BTBD2: variants seen among roughly 807,000 people sequenced by gnomAD.
BTBD2 encodes BTB domain containing 2, also known as BTB/POZ domain-containing protein 2.
A neutral mutation model predicts 44.0 loss-of-function variants in BTBD2; 15 were observed. That is an observed-to-expected ratio of 0.34 (90% CI 0.23 to 0.53). The LOEUF is 0.53. BTBD2 is among the 20% of genes least tolerant of loss of function. The pLI is 0.95. For missense variants in BTBD2, 657 were observed against 746.4 expected (o/e 0.88, Z 1.39); for synonymous variants, 443 against 335.9 (o/e 1.32, Z -3.49).
intron 2 of BTBD2, among the ~76,000 whole-genome samples, chr19:1,995,708 T>C (rs1290407216): frequency 2.8e-5 from 4 of 145,108 alleles, no homozygotes; most frequent in African/African-American, 1.0e-4. Flanking sequence ...ATGATCTCAG[T>C]CCACTCCAAC....
intron 1 of BTBD2, among the ~76,000 whole-genome samples, chr19:2,013,337 C>T (rs959578399): frequency 2.0e-5 from 3 of 152,086 alleles, no homozygotes; most frequent in Non-Finnish European, 4.4e-5. Flanking sequence ...GCCGGTACCC[C>T]GCACACTGGC....
intron 1 of BTBD2, among the ~76,000 whole-genome samples, chr19:2,009,014 A>G (rs1341128586): frequency 7.4e-6 from 1 of 136,000 alleles, no homozygotes; most frequent in Non-Finnish European, 1.5e-5. Flanking sequence ...CCCAGAACAC[A>G]CTGTTCTTTT....
chr19:2,004,762 T>C (rs1271610900), intron 1 of BTBD2, among the ~76,000 whole-genome samples: 2 of 151,260 alleles, frequency 1.3e-5, no homozygotes, highest in Non-Finnish European at 2.9e-5. Context: ...GAGGATCACT[T>C]GAGCCCAGGA....
intron 1 of BTBD2, among the ~76,000 whole-genome samples, chr19:1,998,214 A>C (rs977031386): frequency 1.3e-5 from 2 of 152,198 alleles, no homozygotes; most frequent in Non-Finnish European, 2.9e-5. Context: ...CCTCATCAGC[A>C]CAAGCTTTCC....
At position 1,990,060 on chromosome 19, in the gene BTBD2, C is replaced by G. The variant is rs775506599; in HGVS notation, c.932G>C (p.Gly311Ala). ...VTPENRRKVL[G>A]KALGLIRFPL... is the part of the protein sequence containing the mutation. ...GAAGCGAATGAGGCCCAGGGCCTTGCCCAGAACCTTCCGCCTGTTCTCTGG... is the reference window on the plus strand; with the variant it reads ...GAAGCGAATGAGGCCCAGGGCCTTGGCCAGAACCTTCCGCCTGTTCTCTGG... The change falls in exon 5 of 9, where the codon GGC becomes GCC. Residue 311 changes from glycine to alanine, a missense_variant. Transcript: ENST00000255608. 1 of 1,613,224 alleles carries G rather than the reference C, an allele frequency of 6.2e-7. No individual in the cohort carries two copies. Among genetic ancestry groups the G allele is most frequent in the African/African-American group, 1.3e-5 (1 of 74,940 alleles).
chr19:1,989,821 G>A lies in BTBD2; in HGVS notation c.988+183C>T, dbSNP rs1419453110. ...CAGTGTGCACGGTGGGGACAGAGCC[G>A]GGCCGGGGCTAACAGATGGCCCTGT... On this transcript the variant is annotated intron_variant, in intron 5 of 8. Transcript: ENST00000255608. 9.3e-5 allele frequency: 62 copies of A among 668,588 alleles called. 1 individual carries two copies. The Middle Eastern group carries it at 1.2e-3, about 13-fold the overall frequency. 41.4% of individuals were successfully genotyped at this position (668,588 alleles called of 1,614,324 possible).
intron 1 of BTBD2, among the ~76,000 whole-genome samples, chr19:2,013,070 T>C (rs10402578): frequency 0.61 from 92,652 of 152,120 alleles, 29,566 homozygotes; most frequent in African/African-American, 0.79. Context: ...GCACAAGCCG[T>C]AGGAGGCCCC....
intron 7 of BTBD2, 83 bp downstream of exon 7, chr19:1,987,083 C>G: frequency 5.0e-6 from 8 of 1,594,266 alleles, no homozygotes; most frequent in Non-Finnish European, 6.9e-6. Flanking sequence ...GGACCAGGGC[C>G]GGGGGTTCAG....
chr19:2,013,566 C>T (rs1177326436), intron 1 of BTBD2: 2 of 987,434 alleles, frequency 2.0e-6, no homozygotes, highest in Non-Finnish European at 2.4e-6. Context: ...AGTCCAGGGT[C>T]CAGAGCCTGG....
intron 2 of BTBD2, among the ~76,000 whole-genome samples, chr19:1,995,468 G>A (rs1397008514): frequency 1.5e-5 from 2 of 134,942 alleles, no homozygotes; most frequent in African/African-American, 5.6e-5. Flanking sequence ...ATTTTTAGTA[G>A]AGACGGGGTT....
At chr19:2,007,311 C>T (rs564684161) in intron 1 of BTBD2, among the ~76,000 whole-genome samples, 23 of 152,326 alleles carry the variant, frequency 1.5e-4, no homozygotes, top group African/African-American at 5.5e-4. Context: ...TATTAGAACA[C>T]AGCTCTTCTT....
rs1320718217 is a variant in BTBD2, at chr19:2,002,351, GATTACAGGCAAACTGATAACTGT to G, written c.408-4911_408-4889del. Among the ~76,000 whole-genome samples the G allele has an allele frequency of 1.4e-3, 215 of 152,350 alleles. 1 individual carries two copies. The highest frequency in any genetic ancestry group is 4.7e-4 in the Non-Finnish European group (32 of 68,042). ...CCAGTTCAGCTGCCCAAAGCGCTGT[GATTACAGGCAAACTGATAACTGT>G]ATTTCTCGAAGTTCTGTAAGCTGTT... is the stretch of plus-strand genomic sequence containing the variant. On this transcript the variant is annotated intron_variant, in intron 1 of 8. Coordinates refer to ENST00000255608, the MANE Select transcript of BTBD2 (RefSeq NM_017797.4).
rs113126344 is a variant in BTBD2, at chr19:2,006,088, TAA to T, written c.408-8627_408-8626del. Among the ~76,000 whole-genome samples, 1,332 of 134,514 alleles carry T rather than the reference TAA, an allele frequency of 9.9e-3. 15 individuals carry two copies. Among genetic ancestry groups the T allele is most frequent in the African/African-American group, 0.033 (1,226 of 36,968 alleles). 88.2% of individuals were successfully genotyped at this position (134,514 alleles called of 152,430 possible). On this transcript the variant is annotated intron_variant, in intron 1 of 8. Coordinates refer to ENST00000255608, the MANE Select transcript of BTBD2 (RefSeq NM_017797.4). ...GGGTGACAGAGTGAGACCCTGTCTCTAAAAAAAAAAAAAAAAATTTAATTTTT... is the reference window on the plus strand; with the variant it reads ...GGGTGACAGAGTGAGACCCTGTCTCTAAAAAAAAAAAAAAATTTAATTTTT...
At chr19:1,991,007 C>T (rs1377079625) in intron 3 of BTBD2, 185 bp from the exon 4 acceptor site, 26 of 576,074 alleles carry the variant, frequency 4.5e-5, no homozygotes, top group Non-Finnish European at 7.4e-5. Context: ...CCCCTGTGAC[C>T]GCTGACTGGG....
At chr19:2,001,250 C>A (rs1191564793) in intron 1 of BTBD2, among the ~76,000 whole-genome samples, 1 of 152,100 alleles carries the variant, frequency 6.6e-6, no homozygotes, top group African/African-American at 2.4e-5. Context: ...GTAATCCCAG[C>A]ACTTTGGGGG....
chr19:2,010,071 G>T (rs572763999), intron 1 of BTBD2, among the ~76,000 whole-genome samples: 28 of 152,278 alleles, frequency 1.8e-4, no homozygotes, highest in African/African-American at 6.7e-4. Context: ...AGAATGGCAT[G>T]AACCTGGGAG....
In BTBD2 at chr19:2,015,575, G is replaced by GGCC; in HGVS notation, c.128_129insGGC (p.Ala54dup). 4 of 849,466 alleles carry GGCC rather than the reference G, an allele frequency of 4.7e-6. No homozygotes were observed. The highest frequency in any genetic ancestry group is 5.5e-6 in the Non-Finnish European group (4 of 723,714). The allele number at this position is 849,466 out of a possible 1,614,324, so 52.6% of individuals were successfully genotyped here. A position where few individuals can be genotyped will look rare whatever the true frequency, so the allele number is the denominator to read the frequency against. Reference sequence around the variant, plus strand: ...CGGCGGCGGCGGCGGCGGCGGCGGCGGCGGCCGCGTTGCCGGGGGCCGGGG... The same window carrying GGCC: ...CGGCGGCGGCGGCGGCGGCGGCGGCGGCCGCGGCCGCGTTGCCGGGGGCCGGGG... On this transcript the variant is annotated inframe_insertion, in exon 1 of 9. Coordinates refer to ENST00000255608, the MANE Select transcript of BTBD2 (RefSeq NM_017797.4).
At chr19:1,987,060 G>C (rs1344904848) in intron 7 of BTBD2, 84 bp from the exon 8 acceptor site, 5 of 1,589,644 alleles carry the variant, frequency 3.1e-6, no homozygotes, top group East Asian at 4.5e-5. Context: ...TGCCCAGGGT[G>C]GGGGCAGCAC....
intron 1 of BTBD2, among the ~76,000 whole-genome samples, chr19:2,004,876 C>A (rs990805980): frequency 6.6e-6 from 1 of 151,668 alleles, no homozygotes; most frequent in African/African-American, 2.4e-5. Flanking sequence ...GGCTGGAGTG[C>A]AGTGGTGCCA....
Sources: allele counts gnomAD v4.1 joint callset (sites outside exome capture counted in the v4.1 genomes callset), GRCh38; gene constraint gnomAD v4.1.1; transcripts MANE v1.5; gene names NCBI Gene and HGNC (gene_info 2026-07-23, HGNC 2026-07-21).